Variants in TET3 observed in about 807,000 individuals in gnomAD.
TET3 encodes the protein methylcytosine dioxygenase TET3.
A neutral mutation model predicts 141.4 loss-of-function variants in TET3; 19 were observed. The observed-to-expected ratio is 0.13, with a 90% CI of 0.09 to 0.20. The LOEUF is 0.20. Among genes scored for constraint, TET3 ranks in the 10% least tolerant of loss-of-function variants. The pLI, the probability that TET3 is intolerant of heterozygous loss-of-function variation, is 1.00. For synonymous variants in TET3, 1,043 were observed against 980.9 expected, an observed-to-expected ratio of 1.06 and a Z score of -1.18; for missense variants, 1,874 against 2,356.9, an observed-to-expected ratio of 0.80 and a Z score of 4.24.
the TET3 span, among the ~76,000 whole-genome samples, chr2:74,126,715 G>T: frequency 6.6e-6 from 1 of 151,998 alleles, no homozygotes; most frequent in Admixed American, 6.6e-5. Flanking sequence ...GTGTTAGCCA[G>T]CATGGTCTCA....
the TET3 span, among the ~76,000 whole-genome samples, chr2:74,124,270 TCAGCCCCCGCCCAGCCAGCCACCCCG>T: frequency 2.4e-5 from 3 of 122,764 alleles, no homozygotes; most frequent in African/African-American, 1.0e-4. Context: ...AGGTGGGGGG[TCAGCCCCCGCCCAGCCAGCCACCCCG>T]TCTGGGAGGG....
intron 4 of TET3, among the ~76,000 whole-genome samples, chr2:74,053,698 C>T (rs1352767167): frequency 1.3e-5 from 2 of 152,088 alleles, no homozygotes; most frequent in South Asian, 2.1e-4. Flanking sequence ...CATTGTCCAG[C>T]GAATGTGGCT....
At chr2:74,053,393 A>C (rs1358052244) in intron 4 of TET3, among the ~76,000 whole-genome samples, 2 of 152,202 alleles carry the variant, frequency 1.3e-5, no homozygotes, top group Non-Finnish European at 2.9e-5. Context: ...ATGAATGCAA[A>C]TGACTTTTTA....
intron 10 of TET3, among the ~76,000 whole-genome samples, chr2:74,096,998 T>TGGG (rs1690873999): frequency 6.6e-6 from 1 of 150,718 alleles, no homozygotes. Flanking sequence ...GAGGCTGAGA[T>TGGG]GGGAGGATCA....
Position 74,093,482 on chromosome 2 carries a change from C to T in TET3, c.3130-47C>T, listed in dbSNP as rs1690629888. The T allele has an allele frequency of 1.3e-6, 2 of 1,518,476 alleles. No homozygotes were observed. Among genetic ancestry groups the T allele is most frequent in the Non-Finnish European group, 1.8e-6 (2 of 1,125,282 alleles). The allele number at this position is 1,518,476 out of a possible 1,614,324, so 94.1% of individuals were successfully genotyped here. The stretch of plus-strand genomic sequence containing the variant: ...GCCTCCCCAGGTGCAGAATCGGGGC[C>T]ACTCACCTCAGGTCATGTGAGCACC... On this transcript the variant is annotated intron_variant, in intron 9 of 11. Coordinates refer to ENST00000409262, the MANE Select transcript of TET3 (RefSeq NM_001287491.2). This position sits in a 1 kb window ranked among gnomAD's most constrained non-coding sequence, Gnocchi z 4.2.
At chr2:74,061,412 CG>C (rs1277028587) in intron 4 of TET3, among the ~76,000 whole-genome samples, 1 of 143,712 alleles carries the variant, frequency 7.0e-6, no homozygotes, top group Non-Finnish European at 1.5e-5. Context: ...GCTGGCAGGG[CG>C]GGGGGCTGAC....
rs534213727 is a variant in TET3 at position 74,103,792 on chromosome 2, T to C, written c.*1616T>C. On this transcript the variant is annotated 3_prime_UTR_variant, in exon 12 of 12. Transcript: ENST00000409262. ...CTCATGCTAGCCATGTGGATGTGTG[T>C]GTGGTGAATGGGGGGCTTCATCAGG... 6.5e-6 allele frequency: 1 copy of C among 153,854 alleles called. No homozygotes were observed. Among genetic ancestry groups the C allele is most frequent in the South Asian group, 2.1e-4 (1 of 4,826 alleles). 9.5% of individuals were successfully genotyped at this position (153,854 alleles called of 1,614,324 possible).
In TET3 at chr2:74,046,985, C is replaced by T. The variant is rs890382004; in HGVS notation, c.1068C>T (p.Thr356=). The change falls in exon 4 of 12, where the codon ACC becomes ACT. Residue 356 remains threonine, a synonymous_variant. Coordinates refer to ENST00000409262, the MANE Select transcript of TET3 (RefSeq NM_001287491.2). This position sits in a 1 kb window ranked among gnomAD's most constrained non-coding sequence, Gnocchi z 4.3. ...IAKEKNISLQ[T]AIAIEALTQL... ...AGGAAAAAAACATCAGCTTGCAGACCGCCATTGCCATTGAGGCCCTCACAC... is the reference window on the plus strand; with the variant it reads ...AGGAAAAAAACATCAGCTTGCAGACTGCCATTGCCATTGAGGCCCTCACAC... 1.8e-5 allele frequency: 29 copies of T among 1,613,888 alleles called. No homozygotes were observed. Among genetic ancestry groups the T allele is most frequent in the African/African-American group, 4.0e-5 (3 of 74,926 alleles).
At chr2:74,110,184 A>T (rs1691668581), downstream of TET3, among the ~76,000 whole-genome samples, 1 of 152,150 alleles carries the variant, frequency 6.6e-6, no homozygotes, top group East Asian at 1.9e-4. Context: ...ACTTTTGCCA[A>T]ATCAGGTCCA....
chr2:74,131,600 G>C, the TET3 span, among the ~76,000 whole-genome samples: 3 of 152,156 alleles, frequency 2.0e-5, no homozygotes, highest in African/African-American at 7.2e-5. Flanking sequence ...TGTGCCCAGG[G>C]GAGGGCTGTG....
chr2:74,067,221 T>C (rs971801306), intron 4 of TET3, among the ~76,000 whole-genome samples: 1 of 152,232 alleles, frequency 6.6e-6, no homozygotes, highest in African/African-American at 2.4e-5. Flanking sequence ...TTTCTAACTT[T>C]TTAGTTGAAA....
At chr2:74,098,389 G>A (rs1450304384) in intron 10 of TET3, among the ~76,000 whole-genome samples, 2 of 151,982 alleles carry the variant, frequency 1.3e-5, no homozygotes, top group African/African-American at 2.4e-5. Flanking sequence ...ACTATGTTAA[G>A]AAAAAAATGA....
chr2:74,078,236 A>G (rs945801649), intron 5 of TET3, among the ~76,000 whole-genome samples: 1 of 152,228 alleles, frequency 6.6e-6, no homozygotes, highest in Middle Eastern at 3.2e-3. Context: ...CTCTTTTTCA[A>G]TTACAAAAAT....
the TET3 span, among the ~76,000 whole-genome samples, chr2:74,118,144 T>C: frequency 6.6e-6 from 1 of 152,248 alleles, no homozygotes; most frequent in African/African-American, 2.4e-5. Context: ...CTATCACCAG[T>C]AAATTGCATA....
At chr2:74,017,914 T>C (rs1213857366) in intron 3 of TET3, among the ~76,000 whole-genome samples, 1 of 152,156 alleles carries the variant, frequency 6.6e-6, no homozygotes, top group East Asian at 1.9e-4. Context: ...TTTTGTCTTT[T>C]TCTTAACAGC....
At chr2:74,018,841 A>G (rs1048800564) in intron 3 of TET3, among the ~76,000 whole-genome samples, 1 of 151,890 alleles carries the variant, frequency 6.6e-6, no homozygotes, top group African/African-American at 2.4e-5. Context: ...TTGGAATCAC[A>G]TGAAACGTAC....
At chr2:74,129,720 A>G in the TET3 span, among the ~76,000 whole-genome samples, 2 of 152,158 alleles carry the variant, frequency 1.3e-5, no homozygotes, top group African/African-American at 2.4e-5. Flanking sequence ...TGTGCCCCCA[A>G]TGACTTTTTT....
intron 4 of TET3, among the ~76,000 whole-genome samples, chr2:74,063,199 T>C (rs1688692823): frequency 6.6e-6 from 1 of 152,042 alleles, no homozygotes; most frequent in African/African-American, 2.4e-5. Context: ...CTTTTTTTTT[T>C]TTTAATGGAG....
At chr2:74,120,576 G>C in the TET3 span, 2 of 152,526 alleles carry the variant, frequency 1.3e-5, no homozygotes, top group African/African-American at 4.8e-5. Context: ...AGGAGGGACC[G>C]GAAGGAGGAG....
Sources: gnomAD v4.1 joint callset for allele counts (sites outside exome capture counted in the v4.1 genomes callset) on GRCh38, gnomAD v4.1.1 for gene constraint, Gnocchi (gnomAD v3.1) non-coding constraint, MANE v1.5 for transcripts, NCBI Gene and HGNC (gene_info 2026-07-23, HGNC 2026-07-21) for gene names.